DLG5: variants seen among roughly 807,000 people sequenced by gnomAD.
DLG5 encodes disks large homolog 5.
In DLG5, 48 loss-of-function variants were observed where a neutral mutation model predicts 189.8. That is an observed-to-expected ratio of 0.25 (90% CI 0.20 to 0.32). DLG5 has a LOEUF of 0.32. Ranked by LOEUF, DLG5 falls within the 10% of genes least tolerant of loss-of-function variation. The probability of loss-of-function intolerance (pLI) is 1.00; values close to 1 mark genes in which losing one functional copy is unlikely to be tolerated. For synonymous variants in DLG5, 1,016 were observed against 1,054.1 expected, an observed-to-expected ratio of 0.96 and a Z score of 0.70; for missense variants, 2,160 against 2,544.7, an observed-to-expected ratio of 0.85 and a Z score of 3.25.
At chr10:77,806,718 A>AAGGCG in intron 26 of DLG5, 40 bp downstream of exon 26, 1 of 1,333,654 alleles carries the variant, frequency 7.5e-7, no homozygotes, top group Non-Finnish European at 1.1e-6. Context: ...GCCCTCGGCG[A>AAGGCG]CCCCTGCCCC....
Position 77,849,628 on chromosome 10 carries a change from C to G in DLG5, c.864+3726G>C, listed in dbSNP as rs188397916. Among the ~76,000 whole-genome samples the G allele has an allele frequency of 1.9e-3, 293 of 152,336 alleles. 1 individual carries two copies. The highest frequency in any genetic ancestry group is 5.5e-3 in the African/African-American group (230 of 41,564). On this transcript the variant is annotated intron_variant, in intron 5 of 31. Coordinates refer to ENST00000372391, the MANE Select transcript of DLG5 (RefSeq NM_004747.4). ...CCAATGACCAGGATGCATCCCCACC[C>G]CCGCCCCTGCTGCCAAGGACCACAA...
chr10:77,910,779 C>T (rs7077051), intron 1 of DLG5, among the ~76,000 whole-genome samples: 47,125 of 151,760 alleles, frequency 0.31, 7,888 homozygotes, highest in Admixed American at 0.44. Flanking sequence ...GAGATCAGCC[C>T]GACCAACATG....
chr10:77,836,361 G>A (rs1484513509), intron 7 of DLG5, among the ~76,000 whole-genome samples: 1 of 152,080 alleles, frequency 6.6e-6, no homozygotes, highest in Non-Finnish European at 1.5e-5. Context: ...AGACAACACA[G>A]GGAAATGACG....
chr10:77,926,889 C>G (rs935697421), upstream of DLG5: 7 of 337,942 alleles, frequency 2.1e-5, no homozygotes, highest in African/African-American at 4.5e-5. The surrounding 1 kb of genome is among the most constrained non-coding windows in gnomAD (Gnocchi z 5.2). Flanking sequence ...CGCCGCCCGC[C>G]CCGCGAGAAA....
rs554675891 is a variant in DLG5 at position 77,817,032 on chromosome 10, C to T, written c.3849G>A (p.Pro1283=). The stretch of plus-strand genomic sequence containing the variant: ...CTCTCTCGGAGCCCACGACACTCCG[C>T]GGATATCTTGGTGTTGATGGGATTT... The part of the protein sequence containing the change: ...RIKIPSTPRY[P]RSVVGSERGS... Residue 1283 remains proline, a synonymous_variant, in exon 19 of 32, where the codon CCG becomes CCA. Transcript: ENST00000372391. 14 of 1,614,014 alleles carry T rather than the reference C, an allele frequency of 8.7e-6. No individual in the cohort carries two copies. The highest frequency in any genetic ancestry group is 1.6e-4 in the Middle Eastern group (1 of 6,066).
intron 1 of DLG5, among the ~76,000 whole-genome samples, chr10:77,904,907 T>C (rs533352288): frequency 1.3e-3 from 200 of 151,828 alleles, no homozygotes; most frequent in African/African-American, 4.2e-3. Context: ...GGCGGGTGGA[T>C]TGCCTGAGGT....
At position 77,809,689 on chromosome 10, in the gene DLG5, A is replaced by G. The variant is rs770382922; in HGVS notation, c.4505T>C (p.Val1502Ala). ...DANKKTLEPR[V>A]VFIKKSQLEL... ...CAGCTGGGACTTTTTGATGAAGACA[A>G]CGCGTGGCTCCAGGGTCTTCTTGTT... The change falls in exon 24 of 32, where the codon GTT (valine) becomes GCT (alanine). Residue 1502 changes from valine to alanine, a missense_variant. By Grantham distance (64) the Val-to-Ala change is moderately conservative. Around this residue, in one of 5 missense-constraint regions of DLG5, gnomAD observed 574 missense variants for 644.2 expected, o/e 0.89. Coordinates refer to ENST00000372391, the MANE Select transcript of DLG5 (RefSeq NM_004747.4). The G allele has an allele frequency of 6.2e-7, 1 of 1,614,100 alleles. No homozygotes were observed. The highest frequency in any genetic ancestry group is 1.1e-5 in the South Asian group (1 of 91,066).
chr10:77,902,342 C>T (rs116913913), intron 1 of DLG5, among the ~76,000 whole-genome samples: 6,482 of 152,304 alleles, frequency 0.043, 210 homozygotes, highest in Middle Eastern at 0.065. Flanking sequence ...TGTTTCAGCC[C>T]AGCAATTTGT....
At chr10:77,884,618 A>ACATC (rs1287100279) in intron 1 of DLG5, among the ~76,000 whole-genome samples, 19 of 152,326 alleles carry the variant, frequency 1.2e-4, no homozygotes, top group Non-Finnish European at 2.2e-4. Context: ...TGTGTCTCTG[A>ACATC]CATCCTTTAA....
At position 77,807,919 on chromosome 10, in the gene DLG5, T is replaced by C. The variant is rs1425291786; in HGVS notation, c.4673A>G (p.Lys1558Arg). The part of the protein sequence containing the change: ...LEYGSLDVRN[K>R]TVEEVYVEML... Reference sequence around the variant, plus strand: ...CTCCACATAGACTTCCTCCACTGTCTTGTTCCGCACGTCCAGGCTGCCATA... The same window carrying C: ...CTCCACATAGACTTCCTCCACTGTCCTGTTCCGCACGTCCAGGCTGCCATA... The change falls in exon 25 of 32, where the codon AAG (lysine) becomes AGG (arginine). Residue 1558 changes from lysine to arginine, a missense_variant. Physicochemically the swap from Lys to Arg is conservative, Grantham distance 26 (BLOSUM62 2). Around this residue, in one of 5 missense-constraint regions of DLG5, gnomAD observed 574 missense variants for 644.2 expected, o/e 0.89. Transcript: ENST00000372391. 1.9e-6 allele frequency: 3 copies of C among 1,614,216 alleles called. No homozygotes were observed. The South Asian group carries it at 3.3e-5, about 18-fold the overall frequency.
At chr10:77,817,726 G>C (rs763628100) in intron 18 of DLG5, 51 bp downstream of exon 18, 34 of 1,478,506 alleles carry the variant, frequency 2.3e-5, no homozygotes, top group Non-Finnish European at 3.0e-5. Context: ...TGCAGGCAGA[G>C]ATGAAAAGCT....
chr10:77,921,677 C>T (rs571424717), intron 1 of DLG5, among the ~76,000 whole-genome samples: 30 of 152,332 alleles, frequency 2.0e-4, no homozygotes, highest in Admixed American at 1.9e-3. Context: ...CCCTCCATGG[C>T]TCCATGCATT....
rs1191288339 is a variant in DLG5, at chr10:77,821,519, C to T, written c.2965G>A (p.Asp989Asn). Residue 989 changes from aspartate (D) to asparagine (N), a missense_variant, in exon 15 of 32, where the codon GAC (aspartate) becomes AAC (asparagine). Physicochemically the swap from Asp to Asn is conservative, Grantham distance 23. Around this residue, in one of 5 missense-constraint regions of DLG5, gnomAD observed 754 missense variants for 746.5 expected, o/e 1.01. Coordinates refer to ENST00000372391, the MANE Select transcript of DLG5 (RefSeq NM_004747.4). ...GGCCCAGGACCTGGAAGCAGGTAGT[C>T]TATTTTGGGGGGTGTCTGGGGGCGT... ...FKRPQTPPKI[D>N]YLLPGPGPAH... 1.2e-6 allele frequency: 2 copies of T among 1,612,512 alleles called. No individual in the cohort carries two copies. Among genetic ancestry groups the T allele is most frequent in the East Asian group, 2.2e-5 (1 of 44,850 alleles).
chr10:77,830,930 G>GT (rs1842869271), intron 9 of DLG5, 57 bp from the exon 10 acceptor site: 6 of 1,586,404 alleles, frequency 3.8e-6, no homozygotes, highest in Admixed American at 3.4e-5. Flanking sequence ...ATCCCACCGC[G>GT]TAACGGCTCT....
chr10:77,921,310 G>T (rs2131869386), intron 1 of DLG5, among the ~76,000 whole-genome samples: 1 of 152,288 alleles, frequency 6.6e-6, no homozygotes, highest in Non-Finnish European at 1.5e-5. Flanking sequence ...AAAGGTGGCT[G>T]GTACCCGAAG....
chr10:77,814,505 A>ATCTATC (rs1555546642), intron 20 of DLG5, among the ~76,000 whole-genome samples: 11 of 110,252 alleles, frequency 1.0e-4, no homozygotes, highest in African/African-American at 3.0e-4. Context: ...ATATATATAT[A>ATCTATC]TCCAAAGGGT....
rs150577548 is a variant in DLG5 at position 77,890,237 on chromosome 10, G to A, written c.305-21040C>T. Among the ~76,000 whole-genome samples the A allele has an allele frequency of 2.4e-3, 362 of 152,264 alleles. 2 individuals carry two copies. The South Asian group carries it at 0.024, about 10-fold the overall frequency. On this transcript the variant is annotated intron_variant, in intron 1 of 31. Coordinates refer to ENST00000372391, the MANE Select transcript of DLG5 (RefSeq NM_004747.4). The stretch of plus-strand genomic sequence containing the variant: ...CAAAGAGGGATGCCCCTGCCAACAC[G>A]GATGCTGAGCTGCAGCAGGATGTCT...
chr10:77,935,357 A>G, the DLG5 span, among the ~76,000 whole-genome samples: 11 of 152,150 alleles, frequency 7.2e-5, no homozygotes, highest in African/African-American at 2.7e-4. Context: ...GATAGGAAGA[A>G]TGGAAACCTA....
chr10:77,812,116 C>A, intron 21 of DLG5, 59 bp from the exon 22 acceptor site: 2 of 1,599,432 alleles, frequency 1.3e-6, no homozygotes, highest in South Asian at 2.2e-5. Context: ...AGGGAGGAGG[C>A]CCTGGGGACT....
Sources: allele counts gnomAD v4.1 joint callset (sites outside exome capture counted in the v4.1 genomes callset), GRCh38; gene constraint gnomAD v4.1.1; regional missense constraint gnomAD v4.1.1; non-coding constraint Gnocchi (gnomAD v3.1); transcripts MANE v1.5; gene names NCBI Gene and HGNC (gene_info 2026-07-23, HGNC 2026-07-21).